Variants in PARP14 observed in about 807,000 individuals in gnomAD.
PARP14 encodes poly(ADP-ribose) polymerase family member 14, also known as protein mono-ADP-ribosyltransferase PARP14.
Under a neutral mutation model 154.2 loss-of-function variants are expected in PARP14, and 59 were observed. The observed-to-expected ratio is 0.38, with a 90% CI of 0.31 to 0.48. The LOEUF (loss-of-function observed/expected upper bound fraction) is 0.48. Among genes scored for constraint, PARP14 ranks in the 20% least tolerant of loss-of-function variants. The pLI is 0.98. For synonymous variants in PARP14, 720 were observed against 780.5 expected (o/e 0.92, Z 1.29); for missense variants, 1,734 against 2,131.6 (o/e 0.81, Z 3.67).
chr3:122,686,019 A>T (rs1273991989), intron 2 of PARP14, among the ~76,000 whole-genome samples: 1 of 152,210 alleles, frequency 6.6e-6, no homozygotes, highest in Non-Finnish European at 1.5e-5. Flanking sequence ...TGTAAAATGG[A>T]ATAGTAACAT....
chr3:122,725,914 A>T (rs2107656681), intron 15 of PARP14, among the ~76,000 whole-genome samples: 1 of 151,778 alleles, frequency 6.6e-6, no homozygotes, highest in Middle Eastern at 3.4e-3. Flanking sequence ...CACCCCTATT[A>T]TGTTGTTAGT....
chr3:122,722,395 A>G (rs1933183945), intron 15 of PARP14: 1 of 152,198 alleles, frequency 6.6e-6, no homozygotes, highest in South Asian at 2.1e-4. Context: ...GCTGATTGGC[A>G]CATTGTGATG....
rs777160496 is a variant in PARP14, at chr3:122,681,120, C to T, written c.187+50C>T. ...AGGAGGGGGCACCTCTGCCCTCCCT[C>T]CAGGGAAATGGCGGCAGGGCACGCA... On this transcript the variant is annotated intron_variant, in intron 1 of 16. Coordinates refer to ENST00000474629, the MANE Select transcript of PARP14 (RefSeq NM_017554.3). This position sits in a 1 kb window ranked among gnomAD's most constrained non-coding sequence, Gnocchi z 5.5. The T allele has an allele frequency of 6.9e-7, 1 of 1,443,656 alleles. No homozygotes were observed. Among genetic ancestry groups the T allele is most frequent in the East Asian group, 2.3e-5 (1 of 42,682 alleles). The allele number at this position is 1,443,656 out of a possible 1,614,324, so 89.4% of individuals were successfully genotyped here.
Position 122,695,432 on chromosome 3 carries a change from T to G in PARP14, c.605T>G (p.Ile202Arg). The stretch of plus-strand genomic sequence containing the variant: ...TTTTTTTTTTGGTTTGTAGATACTA[T>G]AAGATTTGTTGATGATTGTACCAAG... Reference protein sequence around the residue: ...VVTFQKHIDTIRFVDDCTKHH... With the variant: ...VVTFQKHIDTRRFVDDCTKHH... The change falls in exon 5 of 17, where the codon ATA becomes AGA. Residue 202 changes from isoleucine (I) to arginine (R), a missense_variant. By Grantham distance (97) the Ile-to-Arg change is moderately conservative. Coordinates refer to ENST00000474629, the MANE Select transcript of PARP14 (RefSeq NM_017554.3). 1 of 1,510,904 alleles carries G rather than the reference T, an allele frequency of 6.6e-7. No homozygotes were observed. Among genetic ancestry groups the G allele is most frequent in the Non-Finnish European group, 9.1e-7 (1 of 1,094,576 alleles). The allele number at this position is 1,510,904 out of a possible 1,614,324, so 93.6% of individuals were successfully genotyped here. A position where few individuals can be genotyped will look rare whatever the true frequency, so the allele number is the denominator to read the frequency against.
chr3:122,703,800 C>G lies in PARP14; in HGVS notation c.3140C>G (p.Ser1047Cys). The G allele has an allele frequency of 6.2e-7, 1 of 1,613,902 alleles. No homozygotes were observed. The highest frequency in any genetic ancestry group is 8.5e-7 in the Non-Finnish European group (1 of 1,179,826). ...CTCGTGCTTAGTAGAGGGCCTCTTT[C>G]TAAGTCCCTCTTGGAAAAAGCTGGA... is the stretch of plus-strand genomic sequence containing the variant. ...LDLVLSRGPL[S>C]KSLLEKAGPE... is the part of the protein sequence containing the mutation. The change falls in exon 7 of 17, where the codon TCT becomes TGT. Residue 1047 changes from serine (S) to cysteine (C), a missense_variant. Coordinates refer to ENST00000474629, the MANE Select transcript of PARP14 (RefSeq NM_017554.3).
At chr3:122,715,946 A>C (rs1333926363) in intron 12 of PARP14, among the ~76,000 whole-genome samples, 1 of 152,192 alleles carries the variant, frequency 6.6e-6, no homozygotes, top group Non-Finnish European at 1.5e-5. Flanking sequence ...TCAACAACAA[A>C]TCCTGTTGTT....
intron 14 of PARP14, among the ~76,000 whole-genome samples, chr3:122,719,340 G>A (rs1458415001): frequency 2.0e-5 from 3 of 152,136 alleles, no homozygotes; most frequent in Non-Finnish European, 4.4e-5. Context: ...AAGGCCAAGG[G>A]AAAAACAGAA....
Position 122,700,079 on chromosome 3 carries a change from T to C in PARP14, c.1525T>C (p.Cys509Arg), listed in dbSNP as rs753531662. The C allele has an allele frequency of 2.2e-5, 35 of 1,613,702 alleles. No homozygotes were observed. Among genetic ancestry groups the C allele is most frequent in the Non-Finnish European group, 1.7e-5 (20 of 1,179,758 alleles). The change falls in exon 6 of 17, where the codon TGC (cysteine) becomes CGC (arginine). Residue 509 changes from cysteine to arginine, a missense_variant. This residue lies in a region of PARP14 where 1,646 missense variants were observed against 1,976.0 expected (regional missense o/e 0.83). Transcript: ENST00000474629. Reference protein sequence around the residue: ...ICYDRVTQHLCLKGPSADVYK... With the variant: ...ICYDRVTQHLRLKGPSADVYK... ...TTACGATAGAGTCACTCAACACTTG[T>C]GCTTGAAAGGACCTAGTGCAGATGT... is the stretch of plus-strand genomic sequence containing the variant.
chr3:122,681,548 G>A lies in PARP14; in HGVS notation c.187+478G>A, dbSNP rs1461805752. 1.3e-5 allele frequency among the ~76,000 whole-genome samples: 2 copies of A among 152,168 alleles called. No homozygotes were observed. The highest frequency in any genetic ancestry group is 4.8e-5 in the African/African-American group (2 of 41,430). On this transcript the variant is annotated intron_variant, in intron 1 of 16. Transcript: ENST00000474629. The surrounding 1 kb of genome is among the most constrained non-coding windows in gnomAD (Gnocchi z 5.5). Reference sequence around the variant, plus strand: ...AGGGGTCCCGGGGTCACTTGGGAGAGGGGCAGAGGCGCTACCTAAAATCAC... The same window carrying A: ...AGGGGTCCCGGGGTCACTTGGGAGAAGGGCAGAGGCGCTACCTAAAATCAC...
intron 15 of PARP14, among the ~76,000 whole-genome samples, chr3:122,723,186 C>T (rs770069488): frequency 1.2e-4 from 19 of 152,166 alleles, no homozygotes; most frequent in South Asian, 6.2e-4. Context: ...GTGATCCCCC[C>T]GCCTGGGCCT....
At position 122,728,293 on chromosome 3, in the gene PARP14, T is replaced by C; in HGVS notation, c.5117-15T>C. ...ATTAACTTGAAATGCTTAAAAATGG[T>C]TTTTCTTTTCACAGCTGTGGCATAT... On this transcript the variant is annotated splice_polypyrimidine_tract_variant and intron_variant, in intron 16 of 16. Coordinates refer to ENST00000474629, the MANE Select transcript of PARP14 (RefSeq NM_017554.3). The C allele has an allele frequency of 6.2e-7, 1 of 1,601,962 alleles. No individual in the cohort carries two copies. Among genetic ancestry groups the C allele is most frequent in the Non-Finnish European group, 8.5e-7 (1 of 1,170,514 alleles).
intron 6 of PARP14, among the ~76,000 whole-genome samples, chr3:122,702,092 G>A (rs79991754): frequency 0.051 from 7,702 of 152,266 alleles, 268 homozygotes; most frequent in Middle Eastern, 0.11. Context: ...GGCCATCAGC[G>A]CCCAACACCA....
chr3:122,688,040 G>A (rs1201242278), intron 3 of PARP14, among the ~76,000 whole-genome samples: 3 of 152,090 alleles, frequency 2.0e-5, no homozygotes, highest in Non-Finnish European at 4.4e-5. Context: ...GTAGAATTTA[G>A]TATGCATGGC....
chr3:122,728,221 T>C (rs1226602285), intron 16 of PARP14, 87 bp from the exon 17 acceptor site: 3 of 1,255,908 alleles, frequency 2.4e-6, no homozygotes, highest in Admixed American at 2.2e-5. Flanking sequence ...AGAGAGGCTT[T>C]AGAAAGAACA....
chr3:122,716,236 A>G (rs890430426), intron 12 of PARP14, among the ~76,000 whole-genome samples: 2 of 152,206 alleles, frequency 1.3e-5, no homozygotes, highest in African/African-American at 4.8e-5. Flanking sequence ...CTCAAGCTCA[A>G]CGCAGACTCC....
chr3:122,686,532 C>T (rs1363083943), intron 2 of PARP14, among the ~76,000 whole-genome samples: 2 of 151,586 alleles, frequency 1.3e-5, no homozygotes, highest in East Asian at 3.9e-4. Flanking sequence ...CACCATAGCT[C>T]ACTGTAATCT....
intron 11 of PARP14, 120 bp from the exon 12 acceptor site, chr3:122,714,142 A>C: frequency 1.1e-6 from 1 of 869,858 alleles, no homozygotes; most frequent in Middle Eastern, 2.5e-4. Context: ...CAAAGATAGT[A>C]TTTCAGGAGT....
chr3:122,706,869 C>G (rs769371746), intron 8 of PARP14, among the ~76,000 whole-genome samples: 1 of 151,618 alleles, frequency 6.6e-6, no homozygotes, highest in African/African-American at 2.4e-5. Context: ...AATACATACA[C>G]CAGCTACTTG....
chr3:122,704,154 G>T (rs528242020), intron 7 of PARP14, among the ~76,000 whole-genome samples, 176 bp downstream of exon 7: 5 of 152,130 alleles, frequency 3.3e-5, no homozygotes, highest in Non-Finnish European at 5.9e-5. Context: ...TTCTCCTGAG[G>T]ACTAGTTAAT....
Sources: gnomAD v4.1 joint callset for allele counts (sites outside exome capture counted in the v4.1 genomes callset) on GRCh38, gnomAD v4.1.1 for gene constraint, gnomAD v4.1.1 regional missense constraint, Gnocchi (gnomAD v3.1) non-coding constraint, MANE v1.5 for transcripts, NCBI Gene and HGNC (gene_info 2026-07-23, HGNC 2026-07-21) for gene names.